Variants in PRDM10 observed in about 807,000 individuals in gnomAD.
PRDM10 encodes PR/SET domain 10.
Under a neutral mutation model 133.1 loss-of-function variants are expected in PRDM10, and 65 were observed. The ratio of observed to expected loss-of-function variants is 0.49; its 90% confidence interval spans 0.40 to 0.60. PRDM10 has a LOEUF of 0.60. Among genes scored for constraint, PRDM10 ranks in the 20% least tolerant of loss-of-function variants. The pLI, the probability that PRDM10 is intolerant of heterozygous loss-of-function variation, is 0.00. For missense variants in PRDM10, 1,137 were observed against 1,507.1 expected (o/e 0.75, Z 4.07); for synonymous variants, 582 against 580.4 (o/e 1.00, Z -0.04).
rs1301016426 is a variant in PRDM10 at position 129,912,522 on chromosome 11, C to T, written c.2842-297G>A. The stretch of plus-strand genomic sequence containing the variant: ...ATCCCAGCACTTTGGGAGGCCAAGG[C>T]GGGTGGATCACGAGGTCAGGAGATC... On this transcript the variant is annotated intron_variant, in intron 17 of 20. Transcript: ENST00000360871. 2.6e-5 allele frequency among the ~76,000 whole-genome samples: 4 copies of T among 152,284 alleles called. No individual in the cohort carries two copies. In the South Asian group the frequency reaches 6.2e-4, roughly 24 times the overall value.
At chr11:129,973,023 T>G (rs1460135089) in intron 1 of PRDM10, among the ~76,000 whole-genome samples, 1 of 152,236 alleles carries the variant, frequency 6.6e-6, no homozygotes, top group Non-Finnish European at 1.5e-5. Context: ...TTTTTCTTCC[T>G]TTATTTGTAT....
intron 1 of PRDM10, among the ~76,000 whole-genome samples, chr11:129,988,332 A>G (rs1166646366): frequency 2.0e-5 from 3 of 152,180 alleles, no homozygotes; most frequent in Non-Finnish European, 4.4e-5. Context: ...TATTAAAGCC[A>G]TTGAATTGTA....
At position 129,918,250 on chromosome 11, in the gene PRDM10, T is replaced by G. The variant is rs1057159248; in HGVS notation, c.2214+289A>C. Among the ~76,000 whole-genome samples the G allele has an allele frequency of 7.0e-6, 1 of 142,516 alleles. No individual in the cohort carries two copies. Among genetic ancestry groups the G allele is most frequent in the Non-Finnish European group, 1.5e-5 (1 of 65,656 alleles). 93.5% of individuals were successfully genotyped at this position (142,516 alleles called of 152,430 possible). ...AATAAGGTGAGAGCAGAGATTGAGA[T>G]GGGTAAAGAAAAACAAAAGTAGTAA... On this transcript the variant is annotated intron_variant, in intron 14 of 20. Transcript: ENST00000360871. This position sits in a 1 kb window ranked among gnomAD's most constrained non-coding sequence, Gnocchi z 5.3.
At chr11:129,933,300 C>T (rs1461826754) in intron 9 of PRDM10, among the ~76,000 whole-genome samples, 2 of 152,098 alleles carry the variant, frequency 1.3e-5, no homozygotes, top group African/African-American at 4.8e-5. Context: ...CACGATGAGC[C>T]CAATGTACCC....
At chr11:129,956,928 C>T (rs932665936) in intron 3 of PRDM10, among the ~76,000 whole-genome samples, 1 of 152,166 alleles carries the variant, frequency 6.6e-6, no homozygotes, top group African/African-American at 2.4e-5. Flanking sequence ...TGTAAATTAA[C>T]ATTTATATGT....
At chr11:129,977,041 AC>A (rs1937797241) in intron 1 of PRDM10, among the ~76,000 whole-genome samples, 1 of 151,442 alleles carries the variant, frequency 6.6e-6, no homozygotes, top group Admixed American at 6.6e-5. Context: ...CGTGCCCCTC[AC>A]CCCCACCACG....
At chr11:129,958,001 C>A in intron 2 of PRDM10, 91 bp from the exon 3 acceptor site, 3 of 1,403,886 alleles carry the variant, frequency 2.1e-6, no homozygotes, top group Non-Finnish European at 2.9e-6. Context: ...TCCCCAATGA[C>A]AGGAGAATGG....
intron 4 of PRDM10, among the ~76,000 whole-genome samples, chr11:129,955,131 T>C (rs1951672459): frequency 6.7e-6 from 1 of 148,988 alleles, no homozygotes; most frequent in Non-Finnish European, 1.5e-5. Context: ...GAACCAAATT[T>C]ATATGTAATT....
intron 1 of PRDM10, among the ~76,000 whole-genome samples, chr11:129,987,322 T>G (rs1196896566): frequency 6.6e-6 from 1 of 152,190 alleles, no homozygotes; most frequent in East Asian, 1.9e-4. Flanking sequence ...TTATGCTTAT[T>G]TTTGTAGTGC....
intron 11 of PRDM10, among the ~76,000 whole-genome samples, chr11:129,930,158 C>T (rs878896242): frequency 4.6e-5 from 7 of 152,198 alleles, no homozygotes; most frequent in Admixed American, 3.9e-4. Context: ...AAGAAACATA[C>T]GCTGAACGAT....
chr11:129,976,057 G>A (rs999048396), intron 1 of PRDM10, among the ~76,000 whole-genome samples: 2 of 152,088 alleles, frequency 1.3e-5, no homozygotes, highest in African/African-American at 4.8e-5. Context: ...GCAACTAGAG[G>A]GTGACATGGA....
chr11:129,947,281 G>C lies in PRDM10; in HGVS notation c.384C>G (p.Gly128=), dbSNP rs1951450263. Residue 128 remains glycine (G), a synonymous_variant, in exon 5 of 21, where the codon GGC becomes GGG. Coordinates refer to ENST00000360871, the MANE Select transcript of PRDM10 (RefSeq NM_199437.2). This position sits in a 1 kb window ranked among gnomAD's most constrained non-coding sequence, Gnocchi z 4.6. Reference sequence around the variant, plus strand: ...CCTCTTCCTCTTTGGCCTCCAGTCTGCCTAGAGGGGTCTGCAGAGTTGCCA... The same window carrying C: ...CCTCTTCCTCTTTGGCCTCCAGTCTCCCTAGAGGGGTCTGCAGAGTTGCCA... ...DPLATLQTPL[G]RLEAKEEEDE... is the part of the protein sequence containing the mutation. 6.2e-7 allele frequency: 1 copy of C among 1,614,118 alleles called. No individual in the cohort carries two copies. The highest frequency in any genetic ancestry group is 1.3e-5 in the African/African-American group (1 of 75,032).
At chr11:129,903,373 G>A (rs1473062419) in intron 20 of PRDM10, among the ~76,000 whole-genome samples, 1 of 100,066 alleles carries the variant, frequency 1.0e-5, no homozygotes, top group Non-Finnish European at 1.9e-5. Flanking sequence ...GTCAAGTAAG[G>A]TCATTTAAAA....
At chr11:129,995,655 G>A (rs115887394) in intron 1 of PRDM10, among the ~76,000 whole-genome samples, 1,618 of 152,146 alleles carry the variant, frequency 0.011, 31 homozygotes, top group African/African-American at 0.036. Context: ...AAAAAAAGGC[G>A]GGGGAGAGGG....
At position 129,988,855 on chromosome 11, in the gene PRDM10, T is replaced by C. The variant is rs556971599; in HGVS notation, c.-119+13867A>G. On this transcript the variant is annotated intron_variant, in intron 1 of 20. Coordinates refer to ENST00000360871, the MANE Select transcript of PRDM10 (RefSeq NM_199437.2). Reference sequence around the variant, plus strand: ...CGTGTTAGCCAGGATGGTCTCGATCTCCTGACCTCGTGATCCGCCCGCCTT... The same window carrying C: ...CGTGTTAGCCAGGATGGTCTCGATCCCCTGACCTCGTGATCCGCCCGCCTT... Among the ~76,000 whole-genome samples the C allele has an allele frequency of 2.1e-4, 31 of 151,184 alleles. No individual in the cohort carries two copies. In the East Asian group the frequency reaches 5.7e-3, roughly 28 times the overall value.
intron 1 of PRDM10, among the ~76,000 whole-genome samples, chr11:129,972,738 T>A (rs1004562162): frequency 6.6e-6 from 1 of 152,216 alleles, no homozygotes; most frequent in African/African-American, 2.4e-5. Context: ...TTATCTTAGC[T>A]TTGTCTTTCT....
At chr11:129,912,394 C>G (rs1032177459) in intron 17 of PRDM10, among the ~76,000 whole-genome samples, 169 bp from the exon 18 acceptor site, 1 of 151,916 alleles carries the variant, frequency 6.6e-6, no homozygotes, top group African/African-American at 2.4e-5. Context: ...CGCTTGAGCC[C>G]AGGAGTTCGA....
intron 1 of PRDM10, among the ~76,000 whole-genome samples, chr11:129,972,740 T>G (rs1176220155): frequency 5.3e-5 from 8 of 152,208 alleles, no homozygotes; most frequent in Non-Finnish European, 2.9e-5. Flanking sequence ...ATCTTAGCTT[T>G]GTCTTTCTTT....
intron 1 of PRDM10, among the ~76,000 whole-genome samples, chr11:130,001,540 T>C (rs1388865693): frequency 6.6e-6 from 1 of 152,186 alleles, no homozygotes; most frequent in Admixed American, 6.5e-5. Context: ...TAATCCTCGA[T>C]GACAGCACAA....
Sources: allele counts gnomAD v4.1 joint callset (sites outside exome capture counted in the v4.1 genomes callset), GRCh38; gene constraint gnomAD v4.1.1; non-coding constraint Gnocchi (gnomAD v3.1); transcripts MANE v1.5; gene names NCBI Gene and HGNC (gene_info 2026-07-23, HGNC 2026-07-21).